The following MED17 variants were observed in gnomAD, a reference collection of about 807,000 sequenced individuals.
The protein encoded by MED17 is mediator of RNA polymerase II transcription subunit 17.
MED17 carries 49 observed loss-of-function variants against 80.8 expected under a neutral mutation model. That is an observed-to-expected ratio of 0.61 (90% CI 0.48 to 0.77). The LOEUF (loss-of-function observed/expected upper bound fraction) is 0.77. Among genes scored for constraint, MED17 ranks in the 30% least tolerant of loss-of-function variants. The pLI is 0.00. For synonymous variants in MED17, 281 were observed against 280.4 expected, an observed-to-expected ratio of 1.00 and a Z score of -0.02; for missense variants, 718 against 787.0, an observed-to-expected ratio of 0.91 and a Z score of 1.05.
chr11:93,786,289 C>G (rs1266196815), intron 1 of MED17, among the ~76,000 whole-genome samples: 1 of 152,126 alleles, frequency 6.6e-6, no homozygotes, highest in Non-Finnish European at 1.5e-5. Flanking sequence ...TAGACTCAAT[C>G]TCATTACTAG....
chr11:93,793,574 C>T (rs1943865602), intron 3 of MED17, 154 bp from the exon 4 acceptor site: 3 of 609,050 alleles, frequency 4.9e-6, no homozygotes, highest in South Asian at 2.1e-5. Flanking sequence ...CTTTGTTCAC[C>T]ATTCCTCACC....
At chr11:93,809,155 C>T (rs1261741112) in intron 10 of MED17, 1 of 175,782 alleles carries the variant, frequency 5.7e-6, no homozygotes, top group East Asian at 1.4e-4. Flanking sequence ...ATTACAAGAA[C>T]CCTAAGGGGG....
chr11:93,807,199 G>A (rs1944035060), intron 9 of MED17: 2 of 291,436 alleles, frequency 6.9e-6, no homozygotes, highest in East Asian at 9.0e-5. Flanking sequence ...ATCACTTCAG[G>A]TCAGGAGTTT....
In MED17 at chr11:93,812,818, C is replaced by T. The variant is rs1018689967; in HGVS notation, c.*754C>T. ...CTAACCTACATAGGTAATTTAAGAACATCCTCAGAAAGGACAGCTGAAGGC... is the reference window on the plus strand; with the variant it reads ...CTAACCTACATAGGTAATTTAAGAATATCCTCAGAAAGGACAGCTGAAGGC... On this transcript the variant is annotated 3_prime_UTR_variant, in exon 12 of 12. Transcript: ENST00000251871. 1.3e-5 allele frequency: 2 copies of T among 152,260 alleles called. No individual in the cohort carries two copies. Among genetic ancestry groups the T allele is most frequent in the African/African-American group, 4.8e-5 (2 of 41,438 alleles). The allele number at this position is 152,260 out of a possible 1,614,324, so 9.4% of individuals were successfully genotyped here.
intron 10 of MED17, chr11:93,809,395 A>G: frequency 2.6e-6 from 1 of 389,310 alleles, no homozygotes; most frequent in East Asian, 6.0e-5. Flanking sequence ...TAAGGTAGGC[A>G]GTGGATTTGA....
chr11:93,784,939 A>G, intron 1 of MED17, 176 bp downstream of exon 1: 1 of 891,666 alleles, frequency 1.1e-6, no homozygotes, highest in Non-Finnish European at 1.7e-6. Context: ...ACAAGGTAGG[A>G]CACGACTTTA....
At position 93,790,605 on chromosome 11, in the gene MED17, A is replaced by G. The variant is rs1410899220; in HGVS notation, c.449A>G (p.Lys150Arg). Residue 150 changes from lysine (K) to arginine (R), a missense_variant, in exon 3 of 12, where the codon AAG becomes AGG. Coordinates refer to ENST00000251871, the MANE Select transcript of MED17 (RefSeq NM_004268.5). ...NPQTLQLISK[K>R]KSLAGAAQIL... ...CAGACGTTGCAATTGATATCTAAAAAGAAGTCACTTGCTGGAGCAGCACAA... is the reference window on the plus strand; with the variant it reads ...CAGACGTTGCAATTGATATCTAAAAGGAAGTCACTTGCTGGAGCAGCACAA... 2 of 1,614,186 alleles carry G rather than the reference A, an allele frequency of 1.2e-6. No individual in the cohort carries two copies. The highest frequency in any genetic ancestry group is 2.2e-5 in the South Asian group (2 of 91,062).
chr11:93,787,968 C>G, intron 1 of MED17, 33 bp from the exon 2 acceptor site: 1 of 1,590,128 alleles, frequency 6.3e-7, no homozygotes, highest in Non-Finnish European at 8.6e-7. Flanking sequence ...ACGAATACTT[C>G]TGTATTTCTT....
chr11:93,793,984 GACCTCGGCACAGTTA>G lies in MED17; in HGVS notation c.814_828del (p.Gly272_Leu276del), dbSNP rs763478586. On this transcript the variant is annotated inframe_deletion, in exon 5 of 12. Transcript: ENST00000251871. ...ACAAAAACAGGCTCCAGATATAGGT[GACCTCGGCACAGTTA>G]ACCTCTTCAAACGACCTTTGCCCAA... 1 of 1,613,942 alleles carries G rather than the reference GACCTCGGCACAGTTA, an allele frequency of 6.2e-7. No individual in the cohort carries two copies. The highest frequency in any genetic ancestry group is 8.5e-7 in the Non-Finnish European group (1 of 1,179,984).
In MED17 at chr11:93,790,673, G is replaced by A. The variant is rs1377680627; in HGVS notation, c.517G>A (p.Glu173Lys). The A allele has an allele frequency of 2.5e-6, 4 of 1,614,026 alleles. No individual in the cohort carries two copies. The highest frequency in any genetic ancestry group is 1.3e-5 in the African/African-American group (1 of 74,918). ...GAERLTKSVTENQENKLQRDF... is the reference protein window; with the variant it reads ...GAERLTKSVTKNQENKLQRDF... ...AGAAAGACTGACTAAATCAGTTACC[G>A]AAAACCAAGAAAACAAGCTACAAAG... is the stretch of plus-strand genomic sequence containing the variant. Residue 173 changes from glutamate (E) to lysine (K), a missense_variant, in exon 3 of 12, where the codon GAA becomes AAA. Glu to Lys is a moderately conservative substitution (Grantham distance 56, BLOSUM62 1). Transcript: ENST00000251871.
chr11:93,796,540 G>C lies in MED17; in HGVS notation c.1143G>C (p.Glu381Asp), dbSNP rs1482170274. 1.2e-6 allele frequency: 2 copies of C among 1,613,934 alleles called. No homozygotes were observed. The highest frequency in any genetic ancestry group is 4.5e-5 in the East Asian group (2 of 44,882). ...LEHNLHLLIR[E>D]FHKQTLSSIM... ...ATAATTTGCATCTACTGATTAGAGA[G>C]GTAAGGAAATAAATGTTTTTCTTTG... is the stretch of plus-strand genomic sequence containing the variant. The change falls in exon 7 of 12, where the codon GAG becomes GAC. Residue 381 changes from glutamate (E) to aspartate (D), a missense_variant and splice_region_variant. By Grantham distance (45) the Glu-to-Asp change is conservative. Transcript: ENST00000251871.
At position 93,801,987 on chromosome 11, in the gene MED17, T is replaced by G. The variant is rs1943967995; in HGVS notation, c.1466+15T>G. The G allele has an allele frequency of 1.9e-6, 3 of 1,607,680 alleles. No individual in the cohort carries two copies. The highest frequency in any genetic ancestry group is 2.5e-6 in the Non-Finnish European group (3 of 1,176,650). On this transcript the variant is annotated intron_variant, in intron 9 of 11. Coordinates refer to ENST00000251871, the MANE Select transcript of MED17 (RefSeq NM_004268.5). ...CAAATATGCAAGTAAGTGGCCAAAA[T>G]AAAAGTTTTGTATTTAATATGTTAA...
intron 9 of MED17, among the ~76,000 whole-genome samples, chr11:93,804,016 TATATATATATAC>T (rs1565293263): frequency 5.4e-4 from 29 of 54,180 alleles, no homozygotes; most frequent in Non-Finnish European, 1.0e-3. Context: ...TATATATATA[TATATATATATAC>T]ACACACACAT....
rs188498203 is a variant in MED17 at position 93,792,162 on chromosome 11, T to A, written c.637+1369T>A. ...AGGGGAGGAGGCAAGAAGTCTTGGC[T>A]TTGATCGTTGAGATAATGGTAGAGT... On this transcript the variant is annotated intron_variant, in intron 3 of 11. Coordinates refer to ENST00000251871, the MANE Select transcript of MED17 (RefSeq NM_004268.5). Among the ~76,000 whole-genome samples the A allele has an allele frequency of 2.8e-4, 43 of 152,288 alleles. No individual in the cohort carries two copies. The East Asian group carries it at 4.2e-3, about 15-fold the overall frequency.
At chr11:93,792,975 CTG>C (rs1943854483) in intron 3 of MED17, among the ~76,000 whole-genome samples, 1 of 151,804 alleles carries the variant, frequency 6.6e-6, no homozygotes, top group Admixed American at 6.6e-5. Flanking sequence ...ATCTAGGAAA[CTG>C]GTTGAAAAAA....
rs1425874742 is a variant in MED17, at chr11:93,797,740, T to C, written c.1328+21T>C. On this transcript the variant is annotated intron_variant, in intron 8 of 11. Coordinates refer to ENST00000251871, the MANE Select transcript of MED17 (RefSeq NM_004268.5). ...AGTAGGTAAGGTTGAAGAAAGTTAC[T>C]GTTTTCTGTTTTTTCTTTGAAATTG... 2.5e-6 allele frequency: 4 copies of C among 1,593,264 alleles called. No homozygotes were observed. The South Asian group carries it at 3.3e-5, about 13-fold the overall frequency.
At chr11:93,800,588 C>G (rs1943952182) in intron 8 of MED17, 1 of 150,980 alleles carries the variant, frequency 6.6e-6, no homozygotes, top group South Asian at 2.1e-4. Context: ...GAGATTGCAC[C>G]ACTGCACTCC....
At chr11:93,799,420 C>T (rs1335406627) in intron 8 of MED17, among the ~76,000 whole-genome samples, 5 of 152,158 alleles carry the variant, frequency 3.3e-5, no homozygotes, top group African/African-American at 1.2e-4. Context: ...AAGTGATCCA[C>T]CCACCTTGGC....
chr11:93,790,481 T>G, intron 2 of MED17, 93 bp from the exon 3 acceptor site: 1 of 1,172,418 alleles, frequency 8.5e-7, no homozygotes, highest in South Asian at 1.3e-5. Context: ...CCTTTTTGCT[T>G]TTTGTTCACT....
Sources: gnomAD v4.1 joint callset for allele counts (sites outside exome capture counted in the v4.1 genomes callset) on GRCh38, gnomAD v4.1.1 for gene constraint, MANE v1.5 for transcripts, NCBI Gene and HGNC (gene_info 2026-07-23, HGNC 2026-07-21) for gene names.